CDH13: variants seen among roughly 807,000 people sequenced by gnomAD.
The protein encoded by CDH13 is cadherin-13.
In CDH13, 24 loss-of-function variants were observed where a neutral mutation model predicts 63.8. That is an observed-to-expected ratio of 0.38 (90% confidence interval 0.27 to 0.53). CDH13 has a LOEUF of 0.53. CDH13 is among the 20% of genes least tolerant of loss of function. The pLI is 0.85. For synonymous variants in CDH13, 503 were observed against 355.3 expected, an observed-to-expected ratio of 1.42 and a Z score of -4.67; for missense variants, 1,049 against 903.1, an observed-to-expected ratio of 1.16 and a Z score of -2.07.
chr16:82,725,187 C>G (rs2033025768), intron 1 of CDH13, among the ~76,000 whole-genome samples: 1 of 150,438 alleles, frequency 6.6e-6, no homozygotes, highest in African/African-American at 2.4e-5. Context: ...TGATTTGGAA[C>G]TAGAATCAAA....
At position 83,648,200 on chromosome 16, in the gene CDH13, C is replaced by A. The variant is rs185288098; in HGVS notation, c.1102-22590C>A. 4.7e-4 allele frequency among the ~76,000 whole-genome samples: 72 copies of A among 152,170 alleles called. No individual in the cohort carries two copies. The Middle Eastern group carries it at 0.01, about 22-fold the overall frequency. On this transcript the variant is annotated intron_variant, in intron 8 of 13. Transcript: ENST00000567109. ...AAACACGGATGTTTCATCATCCAGG[C>A]GTGTAAATTACACATGTCTGGCCGT...
intron 1 of CDH13, among the ~76,000 whole-genome samples, chr16:82,708,130 C>T (rs1379298569): frequency 6.6e-6 from 1 of 152,192 alleles, no homozygotes; most frequent in Non-Finnish European, 1.5e-5. Context: ...TGGAGGCAAA[C>T]ATCTGTCTTT....
At chr16:83,123,732 T>C (rs2035690499) in intron 3 of CDH13, among the ~76,000 whole-genome samples, 1 of 152,202 alleles carries the variant, frequency 6.6e-6, no homozygotes, top group Non-Finnish European at 1.5e-5. Context: ...GGTAGTGGGA[T>C]TGCTAGGTTG....
intron 4 of CDH13, among the ~76,000 whole-genome samples, chr16:83,187,269 C>A (rs1204525313): frequency 6.6e-6 from 1 of 152,142 alleles, no homozygotes; most frequent in Non-Finnish European, 1.5e-5. Flanking sequence ...CACGCCTGGC[C>A]CCAAACAAAA....
chr16:83,492,366 A>C (rs958107594), intron 7 of CDH13, among the ~76,000 whole-genome samples: 1 of 152,188 alleles, frequency 6.6e-6, no homozygotes, highest in Non-Finnish European at 1.5e-5. Context: ...CACACAATTC[A>C]ATCATGCTGT....
intron 6 of CDH13, among the ~76,000 whole-genome samples, chr16:83,469,843 T>A (rs2073410579): frequency 6.6e-6 from 1 of 152,206 alleles, no homozygotes; most frequent in Non-Finnish European, 1.5e-5. Flanking sequence ...ATATTTGAAA[T>A]GTATGAGATT....
chr16:83,010,677 C>T (rs990978399), intron 2 of CDH13, among the ~76,000 whole-genome samples: 1 of 152,056 alleles, frequency 6.6e-6, no homozygotes, highest in African/African-American at 2.4e-5. Context: ...TGATGAAGTC[C>T]CTAATGGTTG....
chr16:82,915,621 C>G (rs1382675152), intron 2 of CDH13, among the ~76,000 whole-genome samples: 1 of 151,900 alleles, frequency 6.6e-6, no homozygotes, highest in African/African-American at 2.4e-5. Flanking sequence ...TCCTCCCAAA[C>G]TGGATGGCAT....
At chr16:83,070,314 G>A (rs769826149) in intron 3 of CDH13, among the ~76,000 whole-genome samples, 3 of 152,152 alleles carry the variant, frequency 2.0e-5, no homozygotes, top group African/African-American at 4.8e-5. Context: ...TGTTGGGTAC[G>A]ATGACCTTTG....
chr16:83,014,741 AAAATAT>A (rs1567745411), intron 2 of CDH13, among the ~76,000 whole-genome samples: 5 of 33,336 alleles, frequency 1.5e-4, no homozygotes, highest in South Asian at 9.7e-4. Context: ...AAAAAAAAAA[AAAATAT>A]ATATATATAT....
intron 1 of CDH13, among the ~76,000 whole-genome samples, chr16:82,717,354 T>C (rs564321218): frequency 1.4e-3 from 211 of 151,118 alleles, no homozygotes; most frequent in African/African-American, 5.1e-3. Flanking sequence ...GAGAATCGCT[T>C]GAAACCAGGA....
At chr16:82,836,176 G>C (rs901580776) in intron 1 of CDH13, among the ~76,000 whole-genome samples, 5 of 152,068 alleles carry the variant, frequency 3.3e-5, no homozygotes, top group Non-Finnish European at 7.4e-5. Flanking sequence ...GCCCAGACTG[G>C]AGTGCATTGG....
intron 3 of CDH13, among the ~76,000 whole-genome samples, chr16:83,042,641 C>G (rs1917426138): frequency 6.6e-6 from 1 of 152,186 alleles, no homozygotes; most frequent in Non-Finnish European, 1.5e-5. Flanking sequence ...AAATTGTCTT[C>G]CATGAAACGG....
chr16:83,532,941 TCC>T (rs2075112226), intron 7 of CDH13, among the ~76,000 whole-genome samples: 2 of 152,322 alleles, frequency 1.3e-5, no homozygotes, highest in South Asian at 4.2e-4. Flanking sequence ...TAGTTCCCAG[TCC>T]TTCAGCCACC....
At chr16:83,557,987 C>A (rs962511568) in intron 7 of CDH13, among the ~76,000 whole-genome samples, 4 of 152,100 alleles carry the variant, frequency 2.6e-5, no homozygotes, top group Admixed American at 1.3e-4. Flanking sequence ...TGGTTGTTTG[C>A]TGAGACCTGG....
chr16:83,116,547 T>C (rs5008767), intron 3 of CDH13, among the ~76,000 whole-genome samples: 27,864 of 152,150 alleles, frequency 0.18, 3,642 homozygotes, highest in African/African-American at 0.37. Context: ...CATGGAAATA[T>C]TGTGGGGACA....
chr16:83,424,746 A>C (rs1244882183), intron 6 of CDH13, among the ~76,000 whole-genome samples: 1 of 152,136 alleles, frequency 6.6e-6, no homozygotes, highest in African/African-American at 2.4e-5. Context: ...TTCTCTCTCG[A>C]CTGTAGTTAT....
At chr16:83,414,342 C>G (rs1260483503) in intron 6 of CDH13, among the ~76,000 whole-genome samples, 2 of 152,168 alleles carry the variant, frequency 1.3e-5, no homozygotes, top group East Asian at 3.9e-4. Flanking sequence ...AGTATATTCA[C>G]AGGGTGATGC....
At chr16:83,512,147 C>A (rs1383835779) in intron 7 of CDH13, among the ~76,000 whole-genome samples, 2 of 147,874 alleles carry the variant, frequency 1.4e-5, no homozygotes, top group African/African-American at 2.5e-5. Flanking sequence ...CGGTGAAACT[C>A]CATCTGTCCT....
Sources: allele counts gnomAD v4.1 joint callset (sites outside exome capture counted in the v4.1 genomes callset), GRCh38; gene constraint gnomAD v4.1.1; transcripts MANE v1.5; gene names NCBI Gene and HGNC (gene_info 2026-07-23, HGNC 2026-07-21).